RAB3IP: variants seen among roughly 807,000 people sequenced by gnomAD.
RAB3IP encodes the protein RAB3A interacting protein, also known as rab-3A-interacting protein.
In RAB3IP, 36 loss-of-function variants were observed where a neutral mutation model predicts 59.1. The ratio of observed to expected loss-of-function variants is 0.61; its 90% confidence interval spans 0.47 to 0.80. The LOEUF (loss-of-function observed/expected upper bound fraction) is 0.80. Ranked by LOEUF, RAB3IP falls within the 30% of genes least tolerant of loss-of-function variation. The pLI is 0.00. For missense variants in RAB3IP, 511 were observed against 536.0 expected (o/e 0.95, Z 0.46); for synonymous variants, 207 against 191.2 (o/e 1.08, Z -0.68).
intron 4 of RAB3IP, among the ~76,000 whole-genome samples, chr12:69,788,755 A>G (rs1383448899): frequency 6.6e-6 from 1 of 152,146 alleles, no homozygotes; most frequent in Non-Finnish European, 1.5e-5. Context: ...AAGAATATAC[A>G]TTCTTCTCAG....
chr12:69,804,343 G>GC (rs1019109427), intron 8 of RAB3IP, among the ~76,000 whole-genome samples: 5 of 151,736 alleles, frequency 3.3e-5, no homozygotes, highest in African/African-American at 1.2e-4. Flanking sequence ...TTTTGATGGG[G>GC]TTGTTTTTTT....
intron 8 of RAB3IP, among the ~76,000 whole-genome samples, chr12:69,808,400 A>T (rs983396267): frequency 4.6e-5 from 7 of 152,198 alleles, no homozygotes; most frequent in African/African-American, 1.4e-4. Context: ...GTAGATGTCT[A>T]TTAGGTCTGC....
chr12:69,761,569 A>C (rs1285739916), intron 3 of RAB3IP, among the ~76,000 whole-genome samples: 1 of 152,188 alleles, frequency 6.6e-6, no homozygotes, highest in Non-Finnish European at 1.5e-5. Flanking sequence ...AGTAATCCAC[A>C]TAGAAAAACC....
chr12:69,754,158 A>G (rs977670904), intron 1 of RAB3IP, among the ~76,000 whole-genome samples: 1 of 152,180 alleles, frequency 6.6e-6, no homozygotes, highest in Non-Finnish European at 1.5e-5. Context: ...AATGAAACAC[A>G]TTATCCAGGA....
intron 4 of RAB3IP, among the ~76,000 whole-genome samples, chr12:69,790,971 C>T (rs1233485796): frequency 6.6e-6 from 1 of 152,126 alleles, no homozygotes; most frequent in East Asian, 1.9e-4. Flanking sequence ...GCAGTAAAAA[C>T]AGTATGGCAC....
intron 1 of RAB3IP, among the ~76,000 whole-genome samples, chr12:69,746,339 C>T (rs1292736162): frequency 6.6e-6 from 1 of 152,188 alleles, no homozygotes; most frequent in Non-Finnish European, 1.5e-5. Context: ...TTTTCTGTTA[C>T]TGTCTCCTTT....
rs1231558931 is a variant in RAB3IP at position 69,812,776 on chromosome 12, A to T, written c.1131-2A>T. Reference sequence around the variant, plus strand: ...AAACTGAAATTTATCATTATTTCACAGAAAATGTGCTCTCACTGGCCAGAG... The same window carrying T: ...AAACTGAAATTTATCATTATTTCACTGAAAATGTGCTCTCACTGGCCAGAG... On this transcript the variant is annotated splice_acceptor_variant, in intron 8 of 10. Coordinates refer to ENST00000247833, the MANE Select transcript of RAB3IP (RefSeq NM_022456.5). LOFTEE classifies it high-confidence loss of function. 2 of 1,589,584 alleles carry T rather than the reference A, an allele frequency of 1.3e-6. No homozygotes were observed. Among genetic ancestry groups the T allele is most frequent in the Non-Finnish European group, 1.7e-6 (2 of 1,166,920 alleles).
intron 3 of RAB3IP, among the ~76,000 whole-genome samples, chr12:69,760,470 C>T (rs1370729472): frequency 2.6e-5 from 4 of 152,260 alleles, no homozygotes; most frequent in South Asian, 2.1e-4. Context: ...GCTCAGGATC[C>T]GTTTGGGGAC....
intron 6 of RAB3IP, among the ~76,000 whole-genome samples, chr12:69,798,718 G>C (rs1349766104): frequency 1.3e-5 from 2 of 152,146 alleles, no homozygotes; most frequent in Non-Finnish European, 2.9e-5. Context: ...ATAAGGAAGG[G>C]ATCCAATTTC....
chr12:69,772,103 G>A (rs746154884), intron 3 of RAB3IP, among the ~76,000 whole-genome samples: 25 of 152,144 alleles, frequency 1.6e-4, no homozygotes, highest in Non-Finnish European at 2.8e-4. Flanking sequence ...TTGCTCCAAT[G>A]TAAGGTGCAT....
intron 1 of RAB3IP, among the ~76,000 whole-genome samples, chr12:69,752,725 T>G (rs535154429): frequency 6.6e-6 from 1 of 152,222 alleles, no homozygotes; most frequent in African/African-American, 2.4e-5. Flanking sequence ...ATTCATAGTA[T>G]ATGGGATAGA....
At chr12:69,759,736 G>A (rs547103001) in intron 3 of RAB3IP, among the ~76,000 whole-genome samples, 8 of 150,634 alleles carry the variant, frequency 5.3e-5, no homozygotes, top group Middle Eastern at 3.5e-3. Context: ...GGCGGCTGCC[G>A]GGCGGGGGCT....
chr12:69,791,004 A>G (rs1876516650), intron 4 of RAB3IP, among the ~76,000 whole-genome samples: 1 of 152,180 alleles, frequency 6.6e-6, no homozygotes, highest in Admixed American at 6.5e-5. Context: ...AGACATGTGG[A>G]CCAATAGAAG....
chr12:69,809,754 G>T (rs567434066), intron 8 of RAB3IP, among the ~76,000 whole-genome samples: 1 of 152,070 alleles, frequency 6.6e-6, no homozygotes, highest in African/African-American at 2.4e-5. Flanking sequence ...GCTCCATCAG[G>T]TCCTTTAAGG....
At position 69,820,520 on chromosome 12, in the gene RAB3IP, T is replaced by C. The variant is rs1384689130; in HGVS notation, c.*5074T>C. 7.0e-6 allele frequency: 1 copy of C among 141,970 alleles called. No homozygotes were observed. Among genetic ancestry groups the C allele is most frequent in the Non-Finnish European group, 1.5e-5 (1 of 66,790 alleles). 8.8% of individuals were successfully genotyped at this position (141,970 alleles called of 1,614,324 possible). ...AATCAGATAATGTCACTTCCCTGCT[T>C]AAAGCCCTTTGAGTGGCTTCCCATT... On this transcript the variant is annotated 3_prime_UTR_variant, in exon 11 of 11. Coordinates refer to ENST00000247833, the MANE Select transcript of RAB3IP (RefSeq NM_022456.5).
At chr12:69,797,440 T>TA (rs1454335203) in intron 6 of RAB3IP, among the ~76,000 whole-genome samples, 8 of 151,752 alleles carry the variant, frequency 5.3e-5, no homozygotes, top group Admixed American at 3.9e-4. Flanking sequence ...GAATACCACT[T>TA]ACCTGCTTTG....
At chr12:69,798,999 T>C (rs1032827163) in intron 6 of RAB3IP, among the ~76,000 whole-genome samples, 1 of 152,206 alleles carries the variant, frequency 6.6e-6, no homozygotes, top group Non-Finnish European at 1.5e-5. Context: ...ATTGAGGAAG[T>C]GTCCTTTTTC....
chr12:69,810,310 TG>T (rs1327129211), intron 8 of RAB3IP, among the ~76,000 whole-genome samples: 1 of 152,134 alleles, frequency 6.6e-6, no homozygotes, highest in African/African-American at 2.4e-5. Flanking sequence ...CCGCCCCTAC[TG>T]GGGGGTGCCT....
At chr12:69,815,340 T>G in intron 10 of RAB3IP, 24 bp from the exon 11 acceptor site, 1 of 1,473,948 alleles carries the variant, frequency 6.8e-7, no homozygotes, top group Non-Finnish European at 9.4e-7. Flanking sequence ...ATGATTTAAA[T>G]ATCTCTCTTT....
Sources: allele counts gnomAD v4.1 joint callset (sites outside exome capture counted in the v4.1 genomes callset), GRCh38; gene constraint gnomAD v4.1.1; transcripts MANE v1.5; gene names NCBI Gene and HGNC (gene_info 2026-07-23, HGNC 2026-07-21).